The following ARHGAP19 variants were observed in gnomAD, a reference collection of about 807,000 sequenced individuals.
ARHGAP19 encodes rho GTPase-activating protein 19.
In ARHGAP19, 48 loss-of-function variants were observed where a neutral mutation model predicts 60.9. The ratio of observed to expected loss-of-function variants is 0.79; its 90% confidence interval spans 0.62 to 1.00. The LOEUF (loss-of-function observed/expected upper bound fraction) is 1.00, where lower values mean the gene tolerates loss of function less well. Among genes scored for constraint, ARHGAP19 ranks in the 50% least tolerant of loss-of-function variants. ARHGAP19 has a pLI of 0.00. For synonymous variants in ARHGAP19, 209 were observed against 215.5 expected (o/e 0.97, Z 0.27); for missense variants, 562 against 597.2 (o/e 0.94, Z 0.61).
At chr10:97,290,653 C>A (rs1308844990) in intron 1 of ARHGAP19, among the ~76,000 whole-genome samples, 2 of 152,068 alleles carry the variant, frequency 1.3e-5, no homozygotes, top group Non-Finnish European at 2.9e-5. Flanking sequence ...ATTTTGGTGA[C>A]CACGAAGGGG....
intron 6 of ARHGAP19, among the ~76,000 whole-genome samples, chr10:97,252,431 G>C (rs1034071162): frequency 6.6e-6 from 1 of 151,690 alleles, no homozygotes; most frequent in Non-Finnish European, 1.5e-5. Flanking sequence ...GACCATCCTG[G>C]CTAACATGGT....
chr10:97,257,282 CTTTT>C (rs34047177), intron 5 of ARHGAP19, among the ~76,000 whole-genome samples: 4 of 81,614 alleles, frequency 4.9e-5, no homozygotes, highest in Admixed American at 1.4e-4. Context: ...CTTTTAAATA[CTTTT>C]TTTTTTTTTT....
At chr10:97,252,324 CA>C (rs35769409) in intron 6 of ARHGAP19, among the ~76,000 whole-genome samples, 180 of 133,690 alleles carry the variant, frequency 1.3e-3, no homozygotes, top group South Asian at 3.1e-3. Flanking sequence ...GAGACTGTCT[CA>C]AAAAAAAAAA....
At chr10:97,270,556 TA>T in intron 1 of ARHGAP19, 1 of 1,490,428 alleles carries the variant, frequency 6.7e-7, no homozygotes, top group Non-Finnish European at 9.1e-7. Context: ...TACAATATTG[TA>T]AAACAAACGA....
At chr10:97,289,110 C>T (rs1016548909) in intron 1 of ARHGAP19, among the ~76,000 whole-genome samples, 3 of 148,910 alleles carry the variant, frequency 2.0e-5, no homozygotes, top group African/African-American at 2.5e-5. Flanking sequence ...AGCCACCGTG[C>T]CCGGCTTTTT....
intron 11 of ARHGAP19, among the ~76,000 whole-genome samples, chr10:97,226,802 G>A (rs1850905227): frequency 6.6e-6 from 1 of 152,248 alleles, no homozygotes; most frequent in South Asian, 2.1e-4. Context: ...ATATTTGGCT[G>A]TGTTAGCCAG....
At position 97,229,153 on chromosome 10, in the gene ARHGAP19, T is replaced by C. The variant is rs1283288424; in HGVS notation, c.1468A>G (p.Lys490Glu). The change falls in exon 11 of 12, where the codon AAA becomes GAA. Residue 490 changes from lysine to glutamate, a missense_variant. Transcript: ENST00000358531. ...LKWSEGKKEG[K>E]KGFL is the part of the protein sequence containing the mutation. ...GAGTAAGTACAATTAGTACCTTTTT[T>C]CCCCTCTTTCTTCCCTTCAGACCAC... 3 of 1,613,650 alleles carry C rather than the reference T, an allele frequency of 1.9e-6. No homozygotes were observed. The highest frequency in any genetic ancestry group is 3.3e-5 in the Admixed American group (2 of 60,016).
Position 97,248,804 on chromosome 10 carries a change from T to A in ARHGAP19, c.928-2467A>T, listed in dbSNP as rs527467968. 1.4e-4 allele frequency among the ~76,000 whole-genome samples: 21 copies of A among 152,102 alleles called. No homozygotes were observed. The East Asian group carries it at 2.9e-3, about 21-fold the overall frequency. The stretch of plus-strand genomic sequence containing the variant: ...CTATCACCGGCCAAATCTGGGATAA[T>A]TTAAATATCAATTTTGTTTGTTTGT... On this transcript the variant is annotated intron_variant, in intron 6 of 11. Transcript: ENST00000358531.
intron 8 of ARHGAP19, among the ~76,000 whole-genome samples, chr10:97,239,551 G>GGGGT (rs1842440447): frequency 4.9e-5 from 1 of 20,292 alleles, no homozygotes; most frequent in South Asian, 1.2e-3. Flanking sequence ...AGAGAGAGAG[G>GGGGT]GTGTGTGTGT....
intron 1 of ARHGAP19, among the ~76,000 whole-genome samples, chr10:97,269,255 G>A (rs183945138): frequency 7.9e-5 from 12 of 152,188 alleles, no homozygotes; most frequent in African/African-American, 1.9e-4. Flanking sequence ...TTCAAAATTC[G>A]TCTCTATTTC....
intron 1 of ARHGAP19, among the ~76,000 whole-genome samples, chr10:97,289,807 T>C (rs1589385114): frequency 6.7e-6 from 1 of 148,814 alleles, no homozygotes; most frequent in East Asian, 2.0e-4. Context: ...GGACCTGTGA[T>C]CGTATCACTG....
rs928931633 is a variant in ARHGAP19 at position 97,244,270 on chromosome 10, T to C, written c.994-111A>G. ...GGAGAGTGGGGACATGGTATACTCCTATACTCAGGAACAAGAAAAATCTTA... is the reference window on the plus strand; with the variant it reads ...GGAGAGTGGGGACATGGTATACTCCCATACTCAGGAACAAGAAAAATCTTA... On this transcript the variant is annotated intron_variant, in intron 7 of 11. Transcript: ENST00000358531. 1.5e-4 allele frequency: 114 copies of C among 765,318 alleles called. No homozygotes were observed. In the Middle Eastern group the frequency reaches 2.0e-3, roughly 13 times the overall value. 47.4% of individuals were successfully genotyped at this position (765,318 alleles called of 1,614,324 possible).
At chr10:97,280,333 C>T (rs771858282) in intron 1 of ARHGAP19, among the ~76,000 whole-genome samples, 11 of 151,332 alleles carry the variant, frequency 7.3e-5, no homozygotes, top group East Asian at 3.9e-4. Context: ...CACTTGAACC[C>T]GGGAGGCAGA....
chr10:97,236,803 GAAAAA>G (rs71007323), intron 8 of ARHGAP19, among the ~76,000 whole-genome samples: 2 of 80,032 alleles, frequency 2.5e-5, no homozygotes, highest in African/African-American at 5.1e-5. Context: ...AACAGACTCA[GAAAAA>G]AAAAAAAAAA....
At chr10:97,275,078 G>A (rs17412719) in intron 1 of ARHGAP19, 35,750 of 152,184 alleles carry the variant, frequency 0.23, 4,612 homozygotes, top group Non-Finnish European at 0.3. Flanking sequence ...AGAAACCTAT[G>A]AAGGCTGCAA....
chr10:97,268,151 CAG>C (rs1842922124), intron 1 of ARHGAP19, among the ~76,000 whole-genome samples: 1 of 152,242 alleles, frequency 6.6e-6, no homozygotes, highest in Non-Finnish European at 1.5e-5. Flanking sequence ...CAAAGTTCCA[CAG>C]ATCTCTAGGG....
rs756846192 is a variant in ARHGAP19, at chr10:97,229,200, G to A, written c.1421C>T (p.Thr474Met). ...CCACTTCAATCTTGTTGGTGTCATC[G>A]TGACAGCTGGAGAGCCAGAAAATAA... ...NLLFSGSPAV[T>M]MTPTRLKWSE... The change falls in exon 11 of 12, where the codon ACG becomes ATG. Residue 474 changes from threonine (T) to methionine (M), a missense_variant. Coordinates refer to ENST00000358531, the MANE Select transcript of ARHGAP19 (RefSeq NM_032900.6). The A allele has an allele frequency of 6.2e-6, 10 of 1,614,010 alleles. No homozygotes were observed. Among genetic ancestry groups the A allele is most frequent in the South Asian group, 5.5e-5 (5 of 91,078 alleles).
rs191040989 is a variant in ARHGAP19 at position 97,283,251 on chromosome 10, C to T, written c.56+9321G>A. 1.1e-3 allele frequency among the ~76,000 whole-genome samples: 165 copies of T among 152,224 alleles called. 1 individual carries two copies. Among genetic ancestry groups the T allele is most frequent in the African/African-American group, 3.7e-3 (154 of 41,544 alleles). ...CCAGCATCTGTAGAAACAACCCACCCTAAAAGATGGTTAGTAAAAGTGTAG... is the reference window on the plus strand; with the variant it reads ...CCAGCATCTGTAGAAACAACCCACCTTAAAAGATGGTTAGTAAAAGTGTAG... On this transcript the variant is annotated intron_variant, in intron 1 of 11. Coordinates refer to ENST00000358531, the MANE Select transcript of ARHGAP19 (RefSeq NM_032900.6).
intron 1 of ARHGAP19, among the ~76,000 whole-genome samples, chr10:97,285,254 G>GT (rs1843138466): frequency 6.6e-6 from 1 of 152,120 alleles, no homozygotes; most frequent in South Asian, 2.1e-4. Context: ...TGCGAATGTA[G>GT]TTAACATTAA....
Sources: allele counts gnomAD v4.1 joint callset (sites outside exome capture counted in the v4.1 genomes callset), GRCh38; gene constraint gnomAD v4.1.1; transcripts MANE v1.5; gene names NCBI Gene and HGNC (gene_info 2026-07-23, HGNC 2026-07-21).